The following TSPAN15 variants were observed in gnomAD, a reference collection of about 807,000 sequenced individuals.
TSPAN15 encodes tetraspanin 15.
A neutral mutation model predicts 34.5 loss-of-function variants in TSPAN15; 20 were observed. The ratio of observed to expected loss-of-function variants is 0.58; its 90% CI spans 0.41 to 0.84. TSPAN15 has a LOEUF of 0.84. Ranked by LOEUF, TSPAN15 falls within the 40% of genes least tolerant of loss-of-function variation. The pLI is 0.00. For missense variants in TSPAN15, 313 were observed against 386.1 expected (o/e 0.81, Z 1.59); for synonymous variants, 155 against 153.9 (o/e 1.01, Z -0.05).
chr10:69,505,849 A>T, intron 6 of TSPAN15: 1 of 333,512 alleles, frequency 3.0e-6, no homozygotes, highest in South Asian at 1.3e-4. Flanking sequence ...TTGTTTGTGG[A>T]GTAGGATTAC....
the TSPAN15 span, among the ~76,000 whole-genome samples, chr10:69,514,887 G>A: frequency 1.3e-5 from 2 of 152,192 alleles, no homozygotes; most frequent in Non-Finnish European, 2.9e-5. Context: ...CCCCTGCCCT[G>A]TCTCTCTTTC....
chr10:69,524,469 A>G, the TSPAN15 span, among the ~76,000 whole-genome samples: 2 of 147,530 alleles, frequency 1.4e-5, no homozygotes, highest in African/African-American at 4.9e-5. Context: ...CTGTCTCAAA[A>G]CAAAAACAAA....
At position 69,503,985 on chromosome 10, in the gene TSPAN15, G is replaced by A. The variant is rs1665582; in HGVS notation, c.571-453G>A. On this transcript the variant is annotated intron_variant, in intron 5 of 7. Coordinates refer to ENST00000373290, the MANE Select transcript of TSPAN15 (RefSeq NM_012339.5). Reference sequence around the variant, plus strand: ...GTCTATGGAACGGAAGCATGGCCAGGGGCCCTGCCCTGGACCTCAGGTAAA... The same window carrying A: ...GTCTATGGAACGGAAGCATGGCCAGAGGCCCTGCCCTGGACCTCAGGTAAA... Among the ~76,000 whole-genome samples, 1,354 of 152,310 alleles carry A rather than the reference G, an allele frequency of 8.9e-3. 17 individuals carry two copies. The highest frequency in any genetic ancestry group is 0.031 in the African/African-American group (1,281 of 41,560).
At chr10:69,534,246 G>A in the TSPAN15 span, among the ~76,000 whole-genome samples, 1 of 152,184 alleles carries the variant, frequency 6.6e-6, no homozygotes, top group Non-Finnish European at 1.5e-5. Context: ...CAAAAGCAGA[G>A]ACAAACTGTT....
At chr10:69,492,982 G>A (rs753842294) in intron 3 of TSPAN15, among the ~76,000 whole-genome samples, 14 of 152,166 alleles carry the variant, frequency 9.2e-5, no homozygotes, top group Admixed American at 2.0e-4. Flanking sequence ...TGACCCTGGC[G>A]GCACCCCATG....
At chr10:69,542,889 T>C in the TSPAN15 span, among the ~76,000 whole-genome samples, 789 of 152,328 alleles carry the variant, frequency 5.2e-3, 6 homozygotes, top group African/African-American at 0.018. Flanking sequence ...TACACAGGCT[T>C]TGGAATGAGA....
chr10:69,528,696 A>G, the TSPAN15 span, among the ~76,000 whole-genome samples: 48 of 148,500 alleles, frequency 3.2e-4, 3 homozygotes, highest in African/African-American at 1.1e-3. Flanking sequence ...CAGAAGCCCC[A>G]CAGAGGATAG....
intron 1 of TSPAN15, among the ~76,000 whole-genome samples, chr10:69,468,995 C>T (rs1841448394): frequency 1.5e-5 from 2 of 136,274 alleles, no homozygotes; most frequent in Non-Finnish European, 3.1e-5. Flanking sequence ...AGGGTAAGGC[C>T]CTAGACGGCC....
chr10:69,519,132 T>G, the TSPAN15 span, among the ~76,000 whole-genome samples: 2 of 152,254 alleles, frequency 1.3e-5, no homozygotes, highest in Non-Finnish European at 1.5e-5. Context: ...TAGTGATACG[T>G]AGGGCTGGGC....
the TSPAN15 span, among the ~76,000 whole-genome samples, chr10:69,536,031 G>A: frequency 1.2e-4 from 19 of 152,212 alleles, no homozygotes; most frequent in East Asian, 3.9e-4. Context: ...AGGGAAGGCC[G>A]GAGGTCGCTT....
chr10:69,530,816 CTCTCTATATATATATATATATATATATA>C, the TSPAN15 span, among the ~76,000 whole-genome samples: 1 of 52,434 alleles, frequency 1.9e-5, no homozygotes, highest in Non-Finnish European at 3.7e-5. Flanking sequence ...CTCTCTCTCT[CTCTCTATATATATATATATATATATATA>C]TATATATATA....
the TSPAN15 span, among the ~76,000 whole-genome samples, chr10:69,536,381 T>G: frequency 6.6e-6 from 1 of 152,316 alleles, no homozygotes; most frequent in East Asian, 1.9e-4. Context: ...CCAGACACTA[T>G]GCTAGGCATT....
Position 69,507,659 on chromosome 10 carries a change from T to TG in TSPAN15, c.*681_*682insG, listed in dbSNP as rs1564619058. On this transcript the variant is annotated 3_prime_UTR_variant, in exon 8 of 8. Transcript: ENST00000373290. Reference sequence around the variant, plus strand: ...TCAAACAATAAAAACATGTTTTTTTTTTTTTTTTTTTTTTGCCTTTCCTGT... The same window carrying TG: ...TCAAACAATAAAAACATGTTTTTTTTGTTTTTTTTTTTTTTGCCTTTCCTGT... 358 of 1,237,304 alleles carry TG rather than the reference T, an allele frequency of 2.9e-4. 1 individual carries two copies. Among genetic ancestry groups the TG allele is most frequent in the East Asian group, 2.2e-3 (39 of 17,420 alleles). The allele number at this position is 1,237,304 out of a possible 1,614,324, so 76.6% of individuals were successfully genotyped here.
At position 69,507,614 on chromosome 10, in the gene TSPAN15, T is replaced by G. The variant is rs1338125927; in HGVS notation, c.*636T>G. The G allele has an allele frequency of 4.6e-6, 6 of 1,298,100 alleles. No homozygotes were observed. The highest frequency in any genetic ancestry group is 6.1e-6 in the Non-Finnish European group (6 of 986,448). The allele number at this position is 1,298,100 out of a possible 1,614,324, so 80.4% of individuals were successfully genotyped here. ...TCCCCGCATGTCTTATTCTTGCCCT[T>G]CCCCCAACCAGTTTGTTAATCAAAC... On this transcript the variant is annotated 3_prime_UTR_variant, in exon 8 of 8. Coordinates refer to ENST00000373290, the MANE Select transcript of TSPAN15 (RefSeq NM_012339.5).
At chr10:69,519,521 A>C in the TSPAN15 span, among the ~76,000 whole-genome samples, 6 of 152,366 alleles carry the variant, frequency 3.9e-5, no homozygotes, top group East Asian at 9.6e-4. Flanking sequence ...GTAAAGGGAA[A>C]AGGAAATGCG....
rs764153926 is a variant in TSPAN15 at position 69,506,817 on chromosome 10, CCTT to C, written c.736-6_736-4del. 2.2e-5 allele frequency: 34 copies of C among 1,568,352 alleles called. No individual in the cohort carries two copies. Among genetic ancestry groups the C allele is most frequent in the African/African-American group, 6.7e-5 (5 of 74,130 alleles). On this transcript the variant is annotated splice_polypyrimidine_tract_variant and intron_variant, in intron 7 of 7. Coordinates refer to ENST00000373290, the MANE Select transcript of TSPAN15 (RefSeq NM_012339.5). The surrounding 1 kb of genome is among the most constrained non-coding windows in gnomAD (Gnocchi z 4.7). Reference sequence around the variant, plus strand: ...CCAGCAGGCCCTCACCAGCCCTGCCCCTTCTTCTCAGTTCCTGGGGGTGCTGCT... The same window carrying C: ...CCAGCAGGCCCTCACCAGCCCTGCCCCTTCTCAGTTCCTGGGGGTGCTGCT...
chr10:69,495,681 C>G lies in TSPAN15; in HGVS notation c.445C>G (p.Gln149Glu). 1 of 1,613,356 alleles carries G rather than the reference C, an allele frequency of 6.2e-7. No homozygotes were observed. Among genetic ancestry groups the G allele is most frequent in the Non-Finnish European group, 8.5e-7 (1 of 1,179,350 alleles). ...CTTCAAAAACATCATGGACTTTGTT[C>G]AGAAAAAGGTGAGCCAGGCGCTTTG... is the stretch of plus-strand genomic sequence containing the variant. ...LDFKNIMDFV[Q>E]KKFKCCGGED... The change falls in exon 4 of 8, where the codon CAG becomes GAG. Residue 149 changes from glutamine (Q) to glutamate (E), a missense_variant. Gln to Glu is a conservative substitution (Grantham distance 29, BLOSUM62 2). Transcript: ENST00000373290.
chr10:69,528,594 T>G, the TSPAN15 span, among the ~76,000 whole-genome samples: 1 of 148,582 alleles, frequency 6.7e-6, no homozygotes, highest in African/African-American at 2.4e-5. Flanking sequence ...GGCTTTCAAG[T>G]TCTTGTCCTG....
chr10:69,462,863 A>G (rs1311886253), intron 1 of TSPAN15, among the ~76,000 whole-genome samples: 2 of 152,230 alleles, frequency 1.3e-5, no homozygotes, highest in African/African-American at 2.4e-5. Flanking sequence ...GGAGAGGCCC[A>G]GAAAGAAAGA....
Sources: allele counts gnomAD v4.1 joint callset (sites outside exome capture counted in the v4.1 genomes callset), GRCh38; gene constraint gnomAD v4.1.1; non-coding constraint Gnocchi (gnomAD v3.1); transcripts MANE v1.5; gene names NCBI Gene and HGNC (gene_info 2026-07-23, HGNC 2026-07-21).